OTOF: variants seen among roughly 807,000 people sequenced by gnomAD.
The protein encoded by OTOF is otoferlin, also known as fer-1-like family member 2.
OTOF carries 218 observed loss-of-function variants against 236.8 expected under a neutral mutation model. That is an observed-to-expected ratio of 0.92 (90% CI 0.82 to 1.03). The LOEUF is 1.03. OTOF is among the 50% of genes least tolerant of loss of function. The probability of loss-of-function intolerance (pLI) is 0.00; values close to 1 mark genes in which losing one functional copy is unlikely to be tolerated. For missense variants in OTOF, 2,590 were observed against 2,694.4 expected (o/e 0.96, Z 0.86); for synonymous variants, 1,041 against 1,072.5 (o/e 0.97, Z 0.57).
rs374236197 is a variant in OTOF, at chr2:26,489,198, C to A, written c.1045+13G>T. ...TGCACACCTCGACTGACTGGCCATGCGCAGGTACTCACCTGGCTGCGAGTA... is the reference window on the plus strand; with the variant it reads ...TGCACACCTCGACTGACTGGCCATGAGCAGGTACTCACCTGGCTGCGAGTA... On this transcript the variant is annotated intron_variant, in intron 11 of 46. Coordinates refer to ENST00000272371, the MANE Select transcript of OTOF (RefSeq NM_194248.3). 21 of 1,597,246 alleles carry A rather than the reference C, an allele frequency of 1.3e-5. No homozygotes were observed. The highest frequency in any genetic ancestry group is 1.7e-4 in the Middle Eastern group (1 of 6,008).
Position 26,502,287 on chromosome 2 carries a change from C to T in OTOF, c.710+13G>A. The T allele has an allele frequency of 1.2e-6, 2 of 1,613,928 alleles. No homozygotes were observed. The highest frequency in any genetic ancestry group is 2.2e-5 in the South Asian group (2 of 91,062). The stretch of plus-strand genomic sequence containing the variant: ...TGGGGGCAGCTGGGGTTGCAGGGCT[C>T]CCGTCCACTCACCGCTTGTTGGAGA... On this transcript the variant is annotated intron_variant, in intron 7 of 46. Coordinates refer to ENST00000272371, the MANE Select transcript of OTOF (RefSeq NM_194248.3).
At chr2:26,540,083 G>A (rs995665449) in intron 1 of OTOF, among the ~76,000 whole-genome samples, 5 of 152,146 alleles carry the variant, frequency 3.3e-5, no homozygotes, top group Non-Finnish European at 4.4e-5. Context: ...ACAGGCATGC[G>A]CCACTGTGCC....
intron 3 of OTOF, 104 bp downstream of exon 3, chr2:26,527,728 A>G: frequency 1.2e-6 from 1 of 842,596 alleles, no homozygotes; most frequent in Non-Finnish European, 2.1e-6. Context: ...GCAGGTTGGG[A>G]GTGTAGGTCC....
intron 5 of OTOF, among the ~76,000 whole-genome samples, chr2:26,506,101 G>A (rs368710901): frequency 8.5e-5 from 13 of 152,314 alleles, no homozygotes; most frequent in East Asian, 3.9e-4. Context: ...CCCAAGGACA[G>A]GGGTGCTGGC....
chr2:26,465,694 C>T lies in OTOF; in HGVS notation c.4777G>A (p.Gly1593Ser), dbSNP rs774331576. 3.7e-6 allele frequency: 6 copies of T among 1,614,266 alleles called. No homozygotes were observed. The highest frequency in any genetic ancestry group is 1.7e-5 in the Admixed American group (1 of 60,034). ...TACGTGGAGTAGGTCTGGGCGATGC[C>T]GCAGGTGGCGCGGTGCTTGCTGTAG... ...RFYSKHRATCGIAQTYSTHGY... is the reference protein window; with the variant it reads ...RFYSKHRATCSIAQTYSTHGY... Residue 1593 changes from glycine to serine, a missense_variant, in exon 38 of 47, where the codon GGC (glycine) becomes AGC (serine). Transcript: ENST00000272371.
chr2:26,465,829 C>T lies in OTOF; in HGVS notation c.4642G>A (p.Glu1548Lys), dbSNP rs146982209. 2.5e-4 allele frequency: 401 copies of T among 1,614,168 alleles called. 2 individuals are homozygous for T. The highest frequency in any genetic ancestry group is 2.3e-3 in the South Asian group (205 of 91,080). Residue 1548 changes from glutamate (E) to lysine (K), a missense_variant, in exon 38 of 47, where the codon GAG becomes AAG. Glu to Lys is a moderately conservative substitution (Grantham distance 56). Coordinates refer to ENST00000272371, the MANE Select transcript of OTOF (RefSeq NM_194248.3). ...NPVFGKSFDI[E>K]ASFPMESMLT... ...ATGGATTCCATGGGGAAGGAGGCCT[C>T]GATGTCAAAGGACCTGGTGGGGTGG...
At position 26,501,835 on chromosome 2, in the gene OTOF, C is replaced by T. The variant is rs750526729; in HGVS notation, c.711-27G>A. ...TGAGGAAGAGAATGTACCATCAGGC[C>T]TGGGGTATGGGGACTGCTTGTTGGG... On this transcript the variant is annotated intron_variant, in intron 7 of 46. Coordinates refer to ENST00000272371, the MANE Select transcript of OTOF (RefSeq NM_194248.3). 34 of 1,589,424 alleles carry T rather than the reference C, an allele frequency of 2.1e-5. 1 individual carries two copies. The highest frequency in any genetic ancestry group is 2.9e-5 in the Non-Finnish European group (34 of 1,157,484).
In OTOF at chr2:26,461,826, C is replaced by T. The variant is rs777088497; in HGVS notation, c.5403G>A (p.Ala1801=). ...WRYLFPFDYL[A]AEEKIVISKK... ...TGGAGATGACGATCTTCTCCTCCGC[C>T]GCCAGGTAGTCGAAGGGGAACAGGT... The change falls in exon 43 of 47, where the codon GCG becomes GCA. Residue 1801 remains alanine, a synonymous_variant. Transcript: ENST00000272371. This position sits in a 1 kb window ranked among gnomAD's most constrained non-coding sequence, Gnocchi z 6.2. 6.9e-5 allele frequency: 111 copies of T among 1,614,060 alleles called. No individual in the cohort carries two copies. In the East Asian group the frequency reaches 2.0e-3, roughly 29 times the overall value.
At position 26,462,191 on chromosome 2, in the gene OTOF, G is replaced by T. The variant is rs766978792; in HGVS notation, c.5193-10C>A. On this transcript the variant is annotated splice_polypyrimidine_tract_variant and intron_variant, in intron 41 of 46. Transcript: ENST00000272371. The surrounding 1 kb of genome is among the most constrained non-coding windows in gnomAD (Gnocchi z 4.7). The stretch of plus-strand genomic sequence containing the variant: ...GACCCGCAGCTCGTACCTGGGCCCA[G>T]GGAGAGAAGGCTGGTTAGCAGCCCC... 6.2e-7 allele frequency: 1 copy of T among 1,612,874 alleles called. No homozygotes were observed. The highest frequency in any genetic ancestry group is 8.5e-7 in the Non-Finnish European group (1 of 1,178,930).
chr2:26,474,272 CCCCAGGCCCCAGCT>C (rs1401339321), intron 26 of OTOF, among the ~76,000 whole-genome samples, 162 bp from the exon 27 acceptor site: 1 of 150,386 alleles, frequency 6.6e-6, no homozygotes, highest in East Asian at 2.0e-4. Context: ...AGGCCCCAGC[CCCCAGGCCCCAGCT>C]CCAGGCCCCA....
intron 5 of OTOF, among the ~76,000 whole-genome samples, chr2:26,509,979 T>A (rs543611560): frequency 6.6e-6 from 1 of 152,138 alleles, no homozygotes; most frequent in Non-Finnish European, 1.5e-5. Context: ...ACTGCCCTTA[T>A]GAGATCCCGT....
At position 26,516,537 on chromosome 2, in the gene OTOF, A is replaced by T. The variant is rs1235747341; in HGVS notation, c.390T>A (p.Asp130Glu). The T allele has an allele frequency of 1.2e-6, 2 of 1,612,728 alleles. No individual in the cohort carries two copies. The highest frequency in any genetic ancestry group is 8.5e-7 in the Non-Finnish European group (1 of 1,179,986). ...GAGACTCATCTCCCAGGAAGTCCCC[A>T]TCGTCCCAGGAGCCCACTGTGCCGT... The part of the protein sequence containing the change: ...ATDGTVGSWD[D>E]GDFLGDESLQ... Residue 130 changes from aspartate (D) to glutamate (E), a missense_variant, in exon 5 of 47, where the codon GAT (aspartate) becomes GAA (glutamate). By Grantham distance (45) the Asp-to-Glu change is conservative. Transcript: ENST00000272371.
chr2:26,537,367 G>A (rs1667096175), intron 2 of OTOF, among the ~76,000 whole-genome samples: 1 of 152,192 alleles, frequency 6.6e-6, no homozygotes, highest in Non-Finnish European at 1.5e-5. Flanking sequence ...GCCTCGTTGG[G>A]CCCTCAGCTG....
intron 5 of OTOF, among the ~76,000 whole-genome samples, chr2:26,508,479 T>C (rs1666305586): frequency 6.6e-6 from 1 of 152,208 alleles, no homozygotes; most frequent in African/African-American, 2.4e-5. Flanking sequence ...CGTTTGCACA[T>C]GTGCCCACGT....
At chr2:26,516,910 C>G (rs1367864004) in intron 4 of OTOF, among the ~76,000 whole-genome samples, 1 of 152,162 alleles carries the variant, frequency 6.6e-6, no homozygotes, top group Non-Finnish European at 1.5e-5. Context: ...GGACTCACCC[C>G]CCGAGTCCAC....
chr2:26,479,501 G>A lies in OTOF; in HGVS notation c.2065C>T (p.Pro689Ser). 2 of 1,602,810 alleles carry A rather than the reference G, an allele frequency of 1.2e-6. No individual in the cohort carries two copies. The highest frequency in any genetic ancestry group is 1.7e-6 in the Non-Finnish European group (2 of 1,175,588). Residue 689 changes from proline (P) to serine (S), a missense_variant, in exon 17 of 47, where the codon CCA (proline) becomes TCA (serine). Physicochemically the swap from Pro to Ser is moderately conservative, Grantham distance 74 (BLOSUM62 -1). Coordinates refer to ENST00000272371, the MANE Select transcript of OTOF (RefSeq NM_194248.3). ...AGDLASVSSTPPMRPQVTDRN... is the reference protein window; with the variant it reads ...AGDLASVSSTSPMRPQVTDRN... ...TCGGTGACCTGGGGCCGCATTGGTG[G>A]AGTGGAGGAGACTGAGGCCAGGTCC...
At chr2:26,558,024 G>A (rs1405478035) in intron 1 of OTOF, among the ~76,000 whole-genome samples, 1 of 151,974 alleles carries the variant, frequency 6.6e-6, no homozygotes, top group Non-Finnish European at 1.5e-5. Flanking sequence ...AGCCAACAGT[G>A]TCCCCCATCA....
In OTOF at chr2:26,458,201, C is replaced by T. The variant is rs370818392; in HGVS notation, c.*37G>A. 58 of 1,603,152 alleles carry T rather than the reference C, an allele frequency of 3.6e-5. No individual in the cohort carries two copies. In the African/African-American group the frequency reaches 3.8e-4, roughly 10 times the overall value. ...GACTTGAGAGGGTTGAGGAACCAGA[C>T]GAAGGCCGTGTCGGGCCGGCTGGGA... On this transcript the variant is annotated 3_prime_UTR_variant, in exon 47 of 47. Transcript: ENST00000272371.
At position 26,462,040 on chromosome 2, in the gene OTOF, C is replaced by A. The variant is rs746135321; in HGVS notation, c.5291+43G>T. ...CTCTCCTGCCCCCCGGGAAGCAAGC[C>A]CCACCCAGCTCAGTCCCTCCCATGC... On this transcript the variant is annotated intron_variant, in intron 42 of 46. Coordinates refer to ENST00000272371, the MANE Select transcript of OTOF (RefSeq NM_194248.3). The surrounding 1 kb of genome is among the most constrained non-coding windows in gnomAD (Gnocchi z 4.7). 6.2e-7 allele frequency: 1 copy of A among 1,605,524 alleles called. No homozygotes were observed. Among genetic ancestry groups the A allele is most frequent in the Admixed American group, 1.7e-5 (1 of 60,006 alleles).
Sources: allele counts gnomAD v4.1 joint callset (sites outside exome capture counted in the v4.1 genomes callset), GRCh38; gene constraint gnomAD v4.1.1; non-coding constraint Gnocchi (gnomAD v3.1); transcripts MANE v1.5; gene names NCBI Gene and HGNC (gene_info 2026-07-23, HGNC 2026-07-21).